Variants in HBS1L observed in about 807,000 individuals in gnomAD.
HBS1L encodes HBS1-like protein.
HBS1L carries 55 observed loss-of-function variants against 88.9 expected under a neutral mutation model. The observed-to-expected ratio is 0.62, with a 90% CI of 0.50 to 0.77. The LOEUF (loss-of-function observed/expected upper bound fraction) is 0.77. Among genes scored for constraint, HBS1L ranks in the 30% least tolerant of loss-of-function variants. The pLI is 0.00. For missense variants in HBS1L, 741 were observed against 829.3 expected, an observed-to-expected ratio of 0.89 and a Z score of 1.31; for synonymous variants, 267 against 288.5, an observed-to-expected ratio of 0.93 and a Z score of 0.76.
chr6:135,029,864 C>T (rs1776336512), intron 4 of HBS1L, among the ~76,000 whole-genome samples: 1 of 152,114 alleles, frequency 6.6e-6, no homozygotes, highest in South Asian at 2.1e-4. Context: ...TTAAGTGATA[C>T]ATATATAAGT....
intron 4 of HBS1L, among the ~76,000 whole-genome samples, chr6:135,003,151 T>A (rs1391840724): frequency 6.6e-6 from 1 of 152,172 alleles, no homozygotes; most frequent in Non-Finnish European, 1.5e-5. Context: ...TGAGCCTTGT[T>A]CTGACATTAT....
At chr6:135,029,545 C>A (rs994055956) in intron 4 of HBS1L, among the ~76,000 whole-genome samples, 12 of 151,760 alleles carry the variant, frequency 7.9e-5, no homozygotes, top group Admixed American at 7.2e-4. Flanking sequence ...GGTATAATAA[C>A]AAAAGAAATA....
chr6:135,031,836 CTT>C (rs1240386300), intron 4 of HBS1L, among the ~76,000 whole-genome samples: 20 of 142,344 alleles, frequency 1.4e-4, no homozygotes, highest in Non-Finnish European at 2.0e-4. Context: ...TTTGTTTTTT[CTT>C]TTTTTTTTTT....
At chr6:135,036,713 C>T in intron 4 of HBS1L, 1 of 1,551,302 alleles carries the variant, frequency 6.4e-7, no homozygotes. Flanking sequence ...TTATAGAGGT[C>T]AAGGGTGCGT....
At chr6:134,994,242 G>A (rs979289055) in intron 7 of HBS1L, among the ~76,000 whole-genome samples, 5 of 151,988 alleles carry the variant, frequency 3.3e-5, no homozygotes, top group Non-Finnish European at 7.4e-5. Context: ...TACCACGACC[G>A]AGAGGTAATT....
At chr6:135,001,941 AGAG>A (rs1486652954) in intron 5 of HBS1L, among the ~76,000 whole-genome samples, 1 of 151,574 alleles carries the variant, frequency 6.6e-6, no homozygotes, top group Non-Finnish European at 1.5e-5. Flanking sequence ...ACTTGGGAAA[AGAG>A]GAAAAAAAAG....
intron 5 of HBS1L, among the ~76,000 whole-genome samples, chr6:135,002,245 TTCATA>T (rs1232491321): frequency 6.6e-6 from 1 of 152,184 alleles, no homozygotes; most frequent in Non-Finnish European, 1.5e-5. Context: ...CTACATATGT[TTCATA>T]TCATATGTCT....
chr6:135,016,077 G>C (rs765717757), intron 4 of HBS1L, among the ~76,000 whole-genome samples: 5 of 151,750 alleles, frequency 3.3e-5, no homozygotes, highest in African/African-American at 1.2e-4. Flanking sequence ...GAAGAGATGC[G>C]GTTTCACCAT....
chr6:134,968,169 T>C (rs950383491), intron 16 of HBS1L, among the ~76,000 whole-genome samples: 3 of 151,924 alleles, frequency 2.0e-5, no homozygotes, highest in African/African-American at 7.2e-5. Context: ...GGAAAAGAAG[T>C]TGGAAGGAAA....
Position 135,036,940 on chromosome 6 carries a change from A to G in HBS1L, c.430+2633T>C, listed in dbSNP as rs1310089170. On this transcript the variant is annotated intron_variant, in intron 4 of 17. Transcript: ENST00000367837. The stretch of plus-strand genomic sequence containing the variant: ...TGATGGAGCAATGGATGGGTCTACT[A>G]CAGGCTTTGGAACAAAATCTGGGTT... The G allele has an allele frequency of 5.8e-6, 9 of 1,551,438 alleles. No individual in the cohort carries two copies. In the African/African-American group the frequency reaches 9.6e-5, roughly 17 times the overall value.
At chr6:135,013,997 G>C (rs1775846046) in intron 4 of HBS1L, among the ~76,000 whole-genome samples, 2 of 152,094 alleles carry the variant, frequency 1.3e-5, no homozygotes, top group African/African-American at 2.4e-5. Context: ...TTAAGCATCA[G>C]CAGATGCTTG....
chr6:135,029,668 A>T (rs1776330799), intron 4 of HBS1L, among the ~76,000 whole-genome samples: 1 of 152,080 alleles, frequency 6.6e-6, no homozygotes, highest in Non-Finnish European at 1.5e-5. Context: ...AAGTATATAA[A>T]CTCAATTTCT....
At chr6:135,024,890 G>GA (rs560270254) in intron 4 of HBS1L, among the ~76,000 whole-genome samples, 3 of 151,986 alleles carry the variant, frequency 2.0e-5, no homozygotes, top group Non-Finnish European at 4.4e-5. Flanking sequence ...TGAATTGGGG[G>GA]AAAAAAGAGA....
chr6:135,020,604 C>T (rs772696447), intron 4 of HBS1L, among the ~76,000 whole-genome samples: 65 of 152,074 alleles, frequency 4.3e-4, no homozygotes, highest in Non-Finnish European at 8.0e-4. Flanking sequence ...TGAAATAACA[C>T]TATCAATGCT....
chr6:135,018,095 A>G (rs1405108915), intron 4 of HBS1L, among the ~76,000 whole-genome samples: 1 of 152,000 alleles, frequency 6.6e-6, no homozygotes, highest in Non-Finnish European at 1.5e-5. Context: ...ATACACGTAC[A>G]CACACACAAA....
chr6:135,016,580 ACATGATAAT>A (rs1775928873), intron 4 of HBS1L, among the ~76,000 whole-genome samples: 2 of 152,198 alleles, frequency 1.3e-5, no homozygotes, highest in South Asian at 4.1e-4. Context: ...TTTAAGTCAC[ACATGATAAT>A]CTCAAATTGC....
intron 4 of HBS1L, among the ~76,000 whole-genome samples, chr6:135,009,321 G>A (rs1183451863): frequency 6.6e-6 from 1 of 152,138 alleles, no homozygotes; most frequent in Non-Finnish European, 1.5e-5. Flanking sequence ...AAAACTTGTT[G>A]AGCTGAGCTG....
intron 17 of HBS1L, 33 bp from the exon 18 acceptor site, chr6:134,965,323 G>A (rs770886967): frequency 2.1e-6 from 3 of 1,395,370 alleles, no homozygotes; most frequent in South Asian, 2.4e-5. Flanking sequence ...GACATTTGCT[G>A]TAATTTAATC....
intron 2 of HBS1L, among the ~76,000 whole-genome samples, chr6:135,048,355 T>G (rs993151089): frequency 6.6e-6 from 1 of 152,206 alleles, no homozygotes; most frequent in Admixed American, 6.5e-5. Context: ...GCCAGTAGGT[T>G]GGAATCCCCT....
Sources: gnomAD v4.1 joint callset for allele counts (sites outside exome capture counted in the v4.1 genomes callset) on GRCh38, gnomAD v4.1.1 for gene constraint, MANE v1.5 for transcripts, NCBI Gene and HGNC (gene_info 2026-07-23, HGNC 2026-07-21) for gene names.